The following SLC35F1 variants were observed in gnomAD, a reference collection of about 807,000 sequenced individuals.
The protein encoded by SLC35F1 is chromosome 6 open reading frame 169.
A neutral mutation model predicts 48.7 loss-of-function variants in SLC35F1; 14 were observed. The ratio of observed to expected loss-of-function variants is 0.29; its 90% CI spans 0.19 to 0.45. The LOEUF is 0.45. SLC35F1 is among the 20% of genes least tolerant of loss of function. The pLI is 1.00. For missense variants in SLC35F1, 404 were observed against 500.0 expected (o/e 0.81, Z 1.83); for synonymous variants, 190 against 202.2 (o/e 0.94, Z 0.51).
intron 1 of SLC35F1, among the ~76,000 whole-genome samples, chr6:118,017,189 TA>T (rs1777333330): frequency 6.6e-6 from 1 of 152,198 alleles, no homozygotes; most frequent in Non-Finnish European, 1.5e-5. Flanking sequence ...AGGCCTGGAT[TA>T]CATCCAGTGG....
chr6:117,911,790 A>G (rs1184695640), intron 1 of SLC35F1, among the ~76,000 whole-genome samples: 1 of 152,026 alleles, frequency 6.6e-6, no homozygotes, highest in Non-Finnish European at 1.5e-5. Flanking sequence ...ACCCTGCCAC[A>G]GGCAATCAGA....
intron 1 of SLC35F1, among the ~76,000 whole-genome samples, chr6:118,087,919 T>C (rs574203960): frequency 6.1e-4 from 93 of 152,228 alleles, no homozygotes; most frequent in Non-Finnish European, 2.2e-4. Context: ...CACTAAATAC[T>C]TGGTTTGGAC....
At chr6:118,175,048 A>C (rs1159688789) in intron 2 of SLC35F1, among the ~76,000 whole-genome samples, 5 of 152,116 alleles carry the variant, frequency 3.3e-5, no homozygotes, top group African/African-American at 1.2e-4. Context: ...GCCACTTTCC[A>C]CCCTGCCTGT....
intron 7 of SLC35F1, among the ~76,000 whole-genome samples, chr6:118,295,911 G>T (rs1406732610): frequency 2.0e-5 from 3 of 152,164 alleles, no homozygotes; most frequent in Admixed American, 6.5e-5. Context: ...AGCAATGAGC[G>T]TTTGACTTTG....
intron 2 of SLC35F1, among the ~76,000 whole-genome samples, chr6:118,218,019 C>T (rs1300120538): frequency 1.3e-5 from 2 of 152,202 alleles, no homozygotes; most frequent in Admixed American, 6.5e-5. Context: ...GGTCCACAGA[C>T]TGGATGGATG....
At chr6:117,922,521 A>G (rs1775912910) in intron 1 of SLC35F1, among the ~76,000 whole-genome samples, 1 of 152,220 alleles carries the variant, frequency 6.6e-6, no homozygotes, top group Admixed American at 6.5e-5. Context: ...ATTTGTATGT[A>G]TTCATGGAGT....
At chr6:117,971,478 A>C (rs1297976069) in intron 1 of SLC35F1, among the ~76,000 whole-genome samples, 3 of 152,194 alleles carry the variant, frequency 2.0e-5, no homozygotes, top group Admixed American at 6.5e-5. Flanking sequence ...CAGCTCCACT[A>C]AGCAGTGCCC....
chr6:117,948,630 C>T (rs999299530), intron 1 of SLC35F1, among the ~76,000 whole-genome samples: 1 of 152,066 alleles, frequency 6.6e-6, no homozygotes, highest in African/African-American at 2.4e-5. Context: ...GCTCTGGCTG[C>T]TGTAAAGAAG....
intron 1 of SLC35F1, among the ~76,000 whole-genome samples, chr6:118,084,123 T>G (rs1367450809): frequency 1.3e-5 from 2 of 152,214 alleles, no homozygotes; most frequent in African/African-American, 2.4e-5. Context: ...ACATGGCTAA[T>G]AAGTCCTTGC....
intron 6 of SLC35F1, 132 bp downstream of exon 6, chr6:118,277,678 T>A: frequency 1.3e-6 from 1 of 770,438 alleles, no homozygotes; most frequent in Non-Finnish European, 2.2e-6. Flanking sequence ...ATGAAATCCC[T>A]TTGTCATTTC....
intron 1 of SLC35F1, among the ~76,000 whole-genome samples, chr6:118,077,796 C>T (rs1772843988): frequency 6.6e-6 from 1 of 152,092 alleles, no homozygotes; most frequent in African/African-American, 2.4e-5. Context: ...TAGGAATAGA[C>T]AAAAAGAATT....
chr6:117,934,651 A>G (rs924384731), intron 1 of SLC35F1, among the ~76,000 whole-genome samples: 8 of 152,230 alleles, frequency 5.3e-5, no homozygotes, highest in African/African-American at 1.9e-4. Context: ...TAAATATCAA[A>G]CATATGAATT....
chr6:118,254,132 G>A (rs1240374900), intron 3 of SLC35F1, among the ~76,000 whole-genome samples: 1 of 152,104 alleles, frequency 6.6e-6, no homozygotes, highest in Non-Finnish European at 1.5e-5. Context: ...GTCAACTGGA[G>A]GAAAGAAATG....
intron 1 of SLC35F1, chr6:117,999,221 C>T (rs1195981091): frequency 1.9e-6 from 3 of 1,595,782 alleles, no homozygotes; most frequent in Non-Finnish European, 2.5e-6. Context: ...GGAGGTTAAG[C>T]CCAAGATCCC....
At chr6:118,277,458 T>A (rs776853069) in intron 5 of SLC35F1, 36 bp from the exon 6 acceptor site, 14 of 1,590,882 alleles carry the variant, frequency 8.8e-6, no homozygotes, top group Non-Finnish European at 1.2e-5. Context: ...TGCATTCTAA[T>A]CTTGCTCATC....
intron 3 of SLC35F1, among the ~76,000 whole-genome samples, chr6:118,237,139 A>G (rs1382026233): frequency 2.0e-5 from 3 of 152,198 alleles, no homozygotes; most frequent in African/African-American, 4.8e-5. Flanking sequence ...GGACATTTTT[A>G]AGGACCTTGA....
At chr6:118,283,834 CG>C (rs1188338101) in intron 6 of SLC35F1, among the ~76,000 whole-genome samples, 1 of 152,070 alleles carries the variant, frequency 6.6e-6, no homozygotes, top group Non-Finnish European at 1.5e-5. Flanking sequence ...TGCAGAAAAA[CG>C]GTCCGTTTTT....
chr6:118,069,357 T>A (rs944375682), intron 1 of SLC35F1, among the ~76,000 whole-genome samples: 2 of 152,200 alleles, frequency 1.3e-5, no homozygotes, highest in African/African-American at 2.4e-5. Flanking sequence ...ACCAAGGACA[T>A]CCTTGAAGTT....
chr6:117,913,615 A>C (rs976096377), intron 1 of SLC35F1, among the ~76,000 whole-genome samples: 6 of 152,382 alleles, frequency 3.9e-5, no homozygotes, highest in East Asian at 1.9e-4. Context: ...TTAAGAAGGA[A>C]TTTCACAAGA....
Sources: allele counts gnomAD v4.1 joint callset (sites outside exome capture counted in the v4.1 genomes callset), GRCh38; gene constraint gnomAD v4.1.1; transcripts MANE v1.5; gene names NCBI Gene and HGNC (gene_info 2026-07-23, HGNC 2026-07-21).